SLC22A6: variants seen among roughly 807,000 people sequenced by gnomAD.
SLC22A6 encodes the protein PAH transporter.
In SLC22A6, 45 loss-of-function variants were observed where a neutral mutation model predicts 56.7. That is an observed-to-expected ratio of 0.79 (90% CI 0.63 to 1.02). The LOEUF is 1.02. SLC22A6 is among the 50% of genes least tolerant of loss of function. The probability of loss-of-function intolerance (pLI) is 0.00; values close to 1 mark genes in which losing one functional copy is unlikely to be tolerated. For missense variants in SLC22A6, 606 were observed against 713.8 expected (o/e 0.85, Z 1.72); for synonymous variants, 291 against 295.9 (o/e 0.98, Z 0.17).
Position 62,984,059 on chromosome 11 carries a change from G to C in SLC22A6, c.370-12C>G. On this transcript the variant is annotated splice_polypyrimidine_tract_variant and intron_variant, in intron 1 of 9. Coordinates refer to ENST00000360421, the MANE Select transcript of SLC22A6 (RefSeq NM_153276.3). The stretch of plus-strand genomic sequence containing the variant: ...CACACAAGGTCCCACTGTGGGGAGA[G>C]GAGCAAGGGTCAGGCAGAGATGAGC... The C allele has an allele frequency of 6.3e-7, 1 of 1,582,344 alleles. No individual in the cohort carries two copies. Among genetic ancestry groups the C allele is most frequent in the Non-Finnish European group, 8.7e-7 (1 of 1,153,360 alleles).
Position 62,979,589 on chromosome 11 carries a change from G to T in SLC22A6, c.1260C>A (p.Ser420=), listed in dbSNP as rs1224871403. The stretch of plus-strand genomic sequence containing the variant: ...GCACAGCAAGAGAGGTTCGGACAAT[G>T]GACTGGTCTAGAGAGAAAGAAGGGG... ...LLNGVIPQDQ[S]IVRTSLAVLG... Residue 420 remains serine (S), a synonymous_variant, in exon 8 of 10, where the codon TCC becomes TCA. Transcript: ENST00000360421. 6.2e-7 allele frequency: 1 copy of T among 1,613,772 alleles called. No homozygotes were observed. Among genetic ancestry groups the T allele is most frequent in the South Asian group, 1.1e-5 (1 of 91,070 alleles).
At chr11:62,978,353 ATTTT>A in intron 8 of SLC22A6, among the ~76,000 whole-genome samples, 7 of 139,650 alleles carry the variant, frequency 5.0e-5, no homozygotes, top group African/African-American at 2.0e-4. Context: ...ATTTTATTTT[ATTTT>A]ATTTTTTTGA....
chr11:62,984,081 G>T, intron 1 of SLC22A6, 34 bp from the exon 2 acceptor site: 1 of 1,473,898 alleles, frequency 6.8e-7, no homozygotes, highest in Non-Finnish European at 9.4e-7. Flanking sequence ...AGGCAGAGAT[G>T]AGCCTGGCTT....
chr11:62,980,650 T>C (rs552663408), intron 6 of SLC22A6, among the ~76,000 whole-genome samples: 1 of 152,380 alleles, frequency 6.6e-6, no homozygotes, highest in African/African-American at 2.4e-5. Context: ...ATCAGGCCAG[T>C]AAAATCTATG....
Position 62,977,189 on chromosome 11 carries a change from C to T in SLC22A6, c.1560G>A (p.Glu520=), listed in dbSNP as rs1164144355. The T allele has an allele frequency of 1.1e-5, 17 of 1,614,074 alleles. No individual in the cohort carries two copies. Among genetic ancestry groups the T allele is most frequent in the East Asian group, 2.2e-5 (1 of 44,898 alleles). ...QPLPDTVQDL[E]SRKGKQTRQQ... ...CTTTCTGAGTGGGGGCCCACCTGCTCTCCAGGTCCTGCACCGTGTCTGGCA... is the reference window on the plus strand; with the variant it reads ...CTTTCTGAGTGGGGGCCCACCTGCTTTCCAGGTCCTGCACCGTGTCTGGCA... Residue 520 remains glutamate, a synonymous_variant, in exon 9 of 10, where the codon GAG becomes GAA. Transcript: ENST00000360421.
chr11:62,976,935 C>T lies in SLC22A6; in HGVS notation c.1566-54G>A, dbSNP rs531665945. On this transcript the variant is annotated intron_variant, in intron 9 of 9. Coordinates refer to ENST00000360421, the MANE Select transcript of SLC22A6 (RefSeq NM_153276.3). ...GGGTATGCAGCCTCCAGGCCAGGGC[C>T]GGGATATGGAGGCTCCCAGGGGGTC... is the stretch of plus-strand genomic sequence containing the variant. 96 of 1,599,438 alleles carry T rather than the reference C, an allele frequency of 6.0e-5. No homozygotes were observed. In the East Asian group the frequency reaches 1.2e-3, roughly 20 times the overall value.
Position 62,979,859 on chromosome 11 carries a change from G to A in SLC22A6, c.1127C>T (p.Ala376Val). 6.2e-7 allele frequency: 1 copy of A among 1,614,190 alleles called. No homozygotes were observed. The highest frequency in any genetic ancestry group is 8.5e-7 in the Non-Finnish European group (1 of 1,179,996). The change falls in exon 7 of 10, where the codon GCT becomes GTT. Residue 376 changes from alanine to valine, a missense_variant. By Grantham distance (64) the Ala-to-Val change is moderately conservative (BLOSUM62 0). Transcript: ENST00000360421. Reference protein sequence around the residue: ...SIYLIQVIFGAVDLPAKLVGF... With the variant: ...SIYLIQVIFGVVDLPAKLVGF... Reference sequence around the variant, plus strand: ...CACAAGCTTGGCAGGCAGGTCCACAGCACCAAAGATCACCTGGATTAGGTA... The same window carrying A: ...CACAAGCTTGGCAGGCAGGTCCACAACACCAAAGATCACCTGGATTAGGTA...
chr11:62,976,602 C>T lies in SLC22A6; in HGVS notation c.*192G>A, dbSNP rs968175286. ...ACAAGAGAGACACAGAGAGATGGTG[C>T]GCAGTCAAACCTTTTAATGATGTGG... On this transcript the variant is annotated 3_prime_UTR_variant, in exon 10 of 10. Transcript: ENST00000360421. 13 of 518,134 alleles carry T rather than the reference C, an allele frequency of 2.5e-5. No individual in the cohort carries two copies. Among genetic ancestry groups the T allele is most frequent in the Non-Finnish European group, 4.2e-5 (12 of 289,080 alleles). The allele number at this position is 518,134 out of a possible 1,614,324, so 32.1% of individuals were successfully genotyped here.
intron 8 of SLC22A6, 58 bp downstream of exon 8, chr11:62,979,430 C>T: frequency 8.4e-7 from 1 of 1,191,580 alleles, no homozygotes; most frequent in Non-Finnish European, 1.3e-6. Flanking sequence ...GACCTGTGCA[C>T]AGAAGAATGT....
rs756757433 is a variant in SLC22A6, at chr11:62,983,505, C to T, written c.628+32G>A. On this transcript the variant is annotated intron_variant, in intron 3 of 9. Coordinates refer to ENST00000360421, the MANE Select transcript of SLC22A6 (RefSeq NM_153276.3). This position sits in a 1 kb window ranked among gnomAD's most constrained non-coding sequence, Gnocchi z 4.5. ...GAAAGGGGTTGCTGGGCTGGGTGGC[C>T]GGAGGGGAGTGGGCTGGTAAGAATC... The T allele has an allele frequency of 1.1e-4, 172 of 1,549,690 alleles. No individual in the cohort carries two copies. The highest frequency in any genetic ancestry group is 2.0e-4 in the Admixed American group (10 of 50,724).
chr11:62,977,889 A>C (rs534910094), intron 8 of SLC22A6, among the ~76,000 whole-genome samples: 2 of 152,274 alleles, frequency 1.3e-5, no homozygotes, highest in South Asian at 4.2e-4. Flanking sequence ...AGGGGGAGGG[A>C]GCTGGAATCT....
At chr11:62,978,040 C>A (rs2086209800) in intron 8 of SLC22A6, among the ~76,000 whole-genome samples, 1 of 152,204 alleles carries the variant, frequency 6.6e-6, no homozygotes, top group African/African-American at 2.4e-5. Context: ...TTTGCCTCAG[C>A]TTTCACGTTT....
At chr11:62,981,404 G>T in intron 4 of SLC22A6, 21 bp from the exon 5 acceptor site, 5 of 1,423,620 alleles carry the variant, frequency 3.5e-6, no homozygotes, top group Non-Finnish European at 4.8e-6. Flanking sequence ...GGGTGGGGGT[G>T]GGTGTCAGCA....
rs200292019 is a variant in SLC22A6 at position 62,984,719 on chromosome 11, G to A, written c.-29C>T. 2.8e-5 allele frequency: 45 copies of A among 1,595,134 alleles called. No individual in the cohort carries two copies. The East Asian group carries it at 5.6e-4, about 20-fold the overall frequency. ...GCCAGGCCCAGCCCAGTGGCTGGGG[G>A]CTGAGGCCTTCCAGTCCCAGGACCT... On this transcript the variant is annotated 5_prime_UTR_variant, in exon 1 of 10. Transcript: ENST00000360421.
Position 62,983,621 on chromosome 11 carries a change from C to T in SLC22A6, c.544G>A (p.Ala182Thr), listed in dbSNP as rs776096616. 18 of 1,608,340 alleles carry T rather than the reference C, an allele frequency of 1.1e-5. No homozygotes were observed. The highest frequency in any genetic ancestry group is 3.3e-5 in the South Asian group (3 of 89,628). The change falls in exon 3 of 10, where the codon GCA becomes ACA. Residue 182 changes from alanine (A) to threonine (T), a missense_variant. Coordinates refer to ENST00000360421, the MANE Select transcript of SLC22A6 (RefSeq NM_153276.3). The surrounding 1 kb of genome is among the most constrained non-coding windows in gnomAD (Gnocchi z 4.5). ...GCGCAGTAGATGGGGAAGTTGGGTGCGAAGGCTGCGCAGGTCCCTGACACA... is the reference window on the plus strand; with the variant it reads ...GCGCAGTAGATGGGGAAGTTGGGTGTGAAGGCTGCGCAGGTCCCTGACACA... The part of the protein sequence containing the change: ...TAVSGTCAAF[A>T]PNFPIYCAFR...
At position 62,977,327 on chromosome 11, in the gene SLC22A6, C is replaced by G; in HGVS notation, c.1422G>C (p.Leu474=). The G allele has an allele frequency of 6.2e-7, 1 of 1,609,092 alleles. No homozygotes were observed. Among genetic ancestry groups the G allele is most frequent in the Non-Finnish European group, 8.5e-7 (1 of 1,178,374 alleles). Reference sequence around the variant, plus strand: ...GGTAGAGCTCGGCAGTCATGCTCACCAGTGGGCTCACGATGCTGCCCACTC... The same window carrying G: ...GGTAGAGCTCGGCAGTCATGCTCACGAGTGGGCTCACGATGCTGCCCACTC... ...MARVGSIVSP[L]VSMTAELYPS... is the part of the protein sequence containing the mutation. The change falls in exon 9 of 10, where the codon CTG becomes CTC. Residue 474 remains leucine, a synonymous_variant. Coordinates refer to ENST00000360421, the MANE Select transcript of SLC22A6 (RefSeq NM_153276.3).
In SLC22A6 at chr11:62,977,376, A is replaced by G; in HGVS notation, c.1373T>C (p.Met458Thr). The G allele has an allele frequency of 6.2e-7, 1 of 1,609,892 alleles. No homozygotes were observed. Among genetic ancestry groups the G allele is most frequent in the Non-Finnish European group, 8.5e-7 (1 of 1,179,622 alleles). ...LYPTMIRQTG[M>T]GMGSTMARVG... is the part of the protein sequence containing the mutation. ...TCGGGCCATGGTGCTGCCCATTCCC[A>G]TGCCTGTCTGCCTGCAGGGCCCGCA... Residue 458 changes from methionine (M) to threonine (T), a missense_variant, in exon 9 of 10, where the codon ATG becomes ACG. Coordinates refer to ENST00000360421, the MANE Select transcript of SLC22A6 (RefSeq NM_153276.3).
Position 62,977,344 on chromosome 11 carries a change from T to C in SLC22A6, c.1405A>G (p.Ser469Gly). 2 of 1,613,042 alleles carry C rather than the reference T, an allele frequency of 1.2e-6. No individual in the cohort carries two copies. Among genetic ancestry groups the C allele is most frequent in the South Asian group, 2.2e-5 (2 of 91,080 alleles). Residue 469 changes from serine (S) to glycine (G), a missense_variant, in exon 9 of 10, where the codon AGC (serine) becomes GGC (glycine). Physicochemically the swap from Ser to Gly is moderately conservative, Grantham distance 56. Coordinates refer to ENST00000360421, the MANE Select transcript of SLC22A6 (RefSeq NM_153276.3). The stretch of plus-strand genomic sequence containing the variant: ...ATGCTCACCAGTGGGCTCACGATGC[T>C]GCCCACTCGGGCCATGGTGCTGCCC... The part of the protein sequence containing the change: ...GMGSTMARVG[S>G]IVSPLVSMTA...
In SLC22A6 at chr11:62,983,421, C is replaced by G. The variant is rs1001114593; in HGVS notation, c.628+116G>C. On this transcript the variant is annotated intron_variant, in intron 3 of 9. Coordinates refer to ENST00000360421, the MANE Select transcript of SLC22A6 (RefSeq NM_153276.3). The surrounding 1 kb of genome is among the most constrained non-coding windows in gnomAD (Gnocchi z 4.5). ...TTGTTCTATTGGCAGGAAGGTGAGACCCGAGAGAGGCTGGAGGGCAGGCAG... is the reference window on the plus strand; with the variant it reads ...TTGTTCTATTGGCAGGAAGGTGAGAGCCGAGAGAGGCTGGAGGGCAGGCAG... The G allele has an allele frequency of 6.6e-6, 7 of 1,057,738 alleles. No individual in the cohort carries two copies. The African/African-American group carries it at 8.0e-5, about 12-fold the overall frequency. 65.5% of individuals were successfully genotyped at this position (1,057,738 alleles called of 1,614,324 possible).
Sources: gnomAD v4.1 joint callset for allele counts (sites outside exome capture counted in the v4.1 genomes callset) on GRCh38, gnomAD v4.1.1 for gene constraint, Gnocchi (gnomAD v3.1) non-coding constraint, MANE v1.5 for transcripts, NCBI Gene and HGNC (gene_info 2026-07-23, HGNC 2026-07-21) for gene names.